KIF16B: variants seen among roughly 807,000 people sequenced by gnomAD.
KIF16B encodes kinesin family member 16B, also known as kinesin-like protein KIF16B.
In KIF16B, 98 loss-of-function variants were observed where a neutral mutation model predicts 156.3. The observed-to-expected ratio is 0.63, with a 90% CI of 0.53 to 0.74. KIF16B has a LOEUF of 0.74. KIF16B is among the 30% of genes least tolerant of loss of function. KIF16B has a pLI of 0.00. For missense variants in KIF16B, 1,421 were observed against 1,606.5 expected (o/e 0.88, Z 1.97); for synonymous variants, 564 against 583.7 (o/e 0.97, Z 0.49).
In KIF16B at chr20:16,379,853, T is replaced by C; in HGVS notation, c.2149A>G (p.Asn717Asp). ...EELQRLKELN[N>D]NEKAEKFQIF... is the part of the protein sequence containing the mutation. ...TGAAACTTCTCAGCCTTCTCGTTGT[T>C]GTTGAGTTCTTTGAGTCGTTGGAGT... Residue 717 changes from asparagine to aspartate, a missense_variant, in exon 19 of 26, where the codon AAC (asparagine) becomes GAC (aspartate). Coordinates refer to ENST00000354981, the MANE Select transcript of KIF16B (RefSeq NM_024704.5). The C allele has an allele frequency of 1.2e-6, 2 of 1,614,238 alleles. No homozygotes were observed. The highest frequency in any genetic ancestry group is 1.1e-5 in the South Asian group (1 of 91,082).
At chr20:16,552,042 A>T (rs1416595986) in intron 1 of KIF16B, among the ~76,000 whole-genome samples, 1 of 152,182 alleles carries the variant, frequency 6.6e-6, no homozygotes, top group East Asian at 1.9e-4. Context: ...GAGCAGTTCT[A>T]CTTCTGTTTT....
At chr20:16,327,021 G>GTA (rs1298436386) in intron 24 of KIF16B, among the ~76,000 whole-genome samples, 3 of 142,394 alleles carry the variant, frequency 2.1e-5, no homozygotes, top group South Asian at 2.2e-4. Flanking sequence ...ATATGTGTGT[G>GTA]TATATATATA....
At chr20:16,316,505 G>A (rs8125492) in intron 24 of KIF16B, among the ~76,000 whole-genome samples, 3,844 of 152,198 alleles carry the variant, frequency 0.025, 148 homozygotes, top group African/African-American at 0.087. Flanking sequence ...GAAAAAAAGA[G>A]CATCATCTTT....
intron 12 of KIF16B, among the ~76,000 whole-genome samples, chr20:16,439,611 T>A (rs1230802898): frequency 6.6e-6 from 1 of 151,996 alleles, no homozygotes; most frequent in African/African-American, 2.4e-5. Context: ...CACCAATGAG[T>A]GAGATTGTAT....
chr20:16,280,574 G>A (rs950632757), intron 25 of KIF16B, among the ~76,000 whole-genome samples: 6 of 152,208 alleles, frequency 3.9e-5, no homozygotes, highest in African/African-American at 1.4e-4. Context: ...CCTTAGGAGA[G>A]GGACAAGAAT....
chr20:16,545,649 A>T (rs2070378713), intron 1 of KIF16B, among the ~76,000 whole-genome samples: 1 of 152,210 alleles, frequency 6.6e-6, no homozygotes, highest in Non-Finnish European at 1.5e-5. Context: ...TGGGTGACAG[A>T]GTGAGACTCT....
chr20:16,564,691 A>T (rs2071190183), intron 1 of KIF16B, among the ~76,000 whole-genome samples: 1 of 151,950 alleles, frequency 6.6e-6, no homozygotes, highest in African/African-American at 2.4e-5. Context: ...AAGAAAAAAA[A>T]GATTACAGGA....
intron 24 of KIF16B, among the ~76,000 whole-genome samples, chr20:16,328,694 A>G (rs996648302): frequency 2.6e-5 from 4 of 152,178 alleles, no homozygotes; most frequent in Non-Finnish European, 5.9e-5. Flanking sequence ...TTTATAAACA[A>G]CAGAAATTTA....
chr20:16,519,294 T>G (rs531995768), intron 3 of KIF16B, among the ~76,000 whole-genome samples: 44 of 152,126 alleles, frequency 2.9e-4, no homozygotes, highest in Non-Finnish European at 3.7e-4. Context: ...TTTCCCTAAT[T>G]TTTTAAGAGA....
chr20:16,551,872 A>G (rs2070681318), intron 1 of KIF16B, among the ~76,000 whole-genome samples: 1 of 152,158 alleles, frequency 6.6e-6, no homozygotes, highest in South Asian at 2.1e-4. Flanking sequence ...GGGCAAAGGA[A>G]GGCTCAAGTT....
chr20:16,565,690 G>A (rs6111190), intron 1 of KIF16B, among the ~76,000 whole-genome samples: 21,532 of 152,086 alleles, frequency 0.14, 1,528 homozygotes, highest in South Asian at 0.17. Flanking sequence ...ATCTGCAAAT[G>A]CGCATCCGCA....
At chr20:16,498,189 G>A (rs2068509444) in intron 10 of KIF16B, among the ~76,000 whole-genome samples, 1 of 152,140 alleles carries the variant, frequency 6.6e-6, no homozygotes, top group Non-Finnish European at 1.5e-5. Flanking sequence ...GAAGTGTAAA[G>A]ATTGATGTGA....
chr20:16,549,184 TC>T (rs2070538222), intron 1 of KIF16B, among the ~76,000 whole-genome samples: 1 of 96,676 alleles, frequency 1.0e-5, no homozygotes. Context: ...ATGCCATCCC[TC>T]CCCCCTCCCC....
chr20:16,453,962 G>A (rs577061202), intron 12 of KIF16B, among the ~76,000 whole-genome samples: 2 of 152,228 alleles, frequency 1.3e-5, no homozygotes, highest in Non-Finnish European at 2.9e-5. Context: ...TACAGATGAC[G>A]TGCACACACA....
intron 23 of KIF16B, among the ~76,000 whole-genome samples, chr20:16,344,707 T>C (rs1002030065): frequency 1.6e-4 from 24 of 152,198 alleles, no homozygotes; most frequent in African/African-American, 5.8e-4. Flanking sequence ...ACTACAGGTA[T>C]GCCATTTTAG....
chr20:16,509,078 T>C (rs1480907135), intron 6 of KIF16B, among the ~76,000 whole-genome samples: 1 of 152,172 alleles, frequency 6.6e-6, no homozygotes, highest in African/African-American at 2.4e-5. Flanking sequence ...TCCCCTTACA[T>C]ACAAATGGTA....
chr20:16,477,312 G>A (rs1305628486), intron 12 of KIF16B, among the ~76,000 whole-genome samples: 1 of 150,944 alleles, frequency 6.6e-6, no homozygotes, highest in South Asian at 2.1e-4. Flanking sequence ...TGATCTCTAA[G>A]ATCTCTCTAA....
intron 1 of KIF16B, among the ~76,000 whole-genome samples, chr20:16,564,884 T>C (rs1176099636): frequency 6.6e-6 from 1 of 151,936 alleles, no homozygotes; most frequent in African/African-American, 2.4e-5. Flanking sequence ...CACCTGACTG[T>C]GCAGCCTCTC....
intron 25 of KIF16B, among the ~76,000 whole-genome samples, chr20:16,303,974 C>T (rs2063507131): frequency 6.6e-6 from 1 of 152,102 alleles, no homozygotes; most frequent in South Asian, 2.1e-4. Context: ...TGATTTCCAG[C>T]TTAGAGTTTA....
Sources: gnomAD v4.1 joint callset for allele counts (sites outside exome capture counted in the v4.1 genomes callset) on GRCh38, gnomAD v4.1.1 for gene constraint, MANE v1.5 for transcripts, NCBI Gene and HGNC (gene_info 2026-07-23, HGNC 2026-07-21) for gene names.